The following SHANK1 variants were observed in gnomAD, a reference collection of about 807,000 sequenced individuals.
SHANK1 encodes SH3 and multiple ankyrin repeat domains protein 1.
Under a neutral mutation model 165.6 loss-of-function variants are expected in SHANK1, and 35 were observed. The observed-to-expected ratio is 0.21, with a 90% confidence interval of 0.16 to 0.28. The LOEUF is 0.28. Among genes scored for constraint, SHANK1 ranks in the 10% least tolerant of loss-of-function variants. The pLI, the probability that SHANK1 is intolerant of heterozygous loss-of-function variation, is 1.00. For missense variants in SHANK1, 2,681 were observed against 3,036.4 expected (o/e 0.88, Z 2.75); for synonymous variants, 1,428 against 1,384.8 (o/e 1.03, Z -0.69).
intron 23 of SHANK1, among the ~76,000 whole-genome samples, chr19:50,664,818 A>C (rs925505971): frequency 5.5e-4 from 84 of 152,152 alleles, no homozygotes; most frequent in African/African-American, 1.9e-3. Context: ...ACAGTGGTGC[A>C]ATCTTGGCTC....
intron 21 of SHANK1, among the ~76,000 whole-genome samples, chr19:50,672,522 C>A (rs1454349466): frequency 7.3e-6 from 1 of 136,452 alleles, no homozygotes; most frequent in Admixed American, 7.7e-5. Context: ...CACCACTGCA[C>A]TCCAGCCTGG....
chr19:50,711,524 C>A, intron 7 of SHANK1, 37 bp from the exon 8 acceptor site: 2 of 1,454,818 alleles, frequency 1.4e-6, no homozygotes, highest in Non-Finnish European at 1.9e-6. Flanking sequence ...TGGATCAGAC[C>A]CAGGCTGTTC....
In SHANK1 at chr19:50,689,216, G is replaced by T; in HGVS notation, c.2028C>A (p.Phe676Leu). 6.2e-7 allele frequency: 1 copy of T among 1,611,010 alleles called. No individual in the cohort carries two copies. The highest frequency in any genetic ancestry group is 8.5e-7 in the Non-Finnish European group (1 of 1,178,518). Residue 676 changes from phenylalanine to leucine, a missense_variant, in exon 16 of 24, where the codon TTC becomes TTA. This residue lies in a region of SHANK1 where 147 missense variants were observed against 256.5 expected (regional missense o/e 0.57). Coordinates refer to ENST00000293441, the MANE Select transcript of SHANK1 (RefSeq NM_016148.5). ...ACTCACCCTTGGCCCCCCGGAGCAC[G>T]AACCCAAACCCCTCACTGTCCTTCT... The part of the protein sequence containing the change: ...LQKKDSEGFG[F>L]VLRGAKAQTP...
At chr19:50,680,099 G>A (rs1044839546) in intron 21 of SHANK1, among the ~76,000 whole-genome samples, 3 of 151,964 alleles carry the variant, frequency 2.0e-5, no homozygotes, top group African/African-American at 7.3e-5. Context: ...CAGAGACAAA[G>A]AGACAAAGAC....
chr19:50,694,019 CCACACACACACACA>C (rs398034977), intron 15 of SHANK1, among the ~76,000 whole-genome samples: 2,575 of 138,680 alleles, frequency 0.019, 73 homozygotes, highest in African/African-American at 0.065. Flanking sequence ...CCAGCACACA[CCACACACACACACA>C]CACACACACA....
chr19:50,699,384 G>A (rs780478497), intron 12 of SHANK1, among the ~76,000 whole-genome samples: 6 of 152,232 alleles, frequency 3.9e-5, no homozygotes, highest in Non-Finnish European at 7.3e-5. Flanking sequence ...CTGTATGATT[G>A]GAAGTTGGGG....
intron 8 of SHANK1, among the ~76,000 whole-genome samples, chr19:50,704,794 G>A (rs1393270569): frequency 2.0e-5 from 3 of 152,178 alleles, no homozygotes; most frequent in Non-Finnish European, 4.4e-5. Flanking sequence ...ATAGCCAGGC[G>A]TGGTGGCTCA....
chr19:50,689,315 G>T, intron 15 of SHANK1, 36 bp from the exon 16 acceptor site: 3 of 1,450,884 alleles, frequency 2.1e-6, no homozygotes, highest in Non-Finnish European at 1.9e-6. Context: ...GGGGTGGTGG[G>T]GGGAGTGGAG....
chr19:50,702,692 G>C lies in SHANK1; in HGVS notation c.1554-32C>G. The C allele has an allele frequency of 6.8e-7, 1 of 1,475,938 alleles. No individual in the cohort carries two copies. 91.4% of individuals were successfully genotyped at this position (1,475,938 alleles called of 1,614,324 possible). A position where few individuals can be genotyped will look rare whatever the true frequency, so the allele number is the denominator to read the frequency against. ...ACACAGAGGGCATGAGAGGAGGGGA[G>C]GGTGGAGGGAGGGGACACCTCTGGG... On this transcript the variant is annotated intron_variant, in intron 11 of 23. Transcript: ENST00000293441. The surrounding 1 kb of genome is among the most constrained non-coding windows in gnomAD (Gnocchi z 5.3).
chr19:50,693,189 C>T (rs1397766106), intron 15 of SHANK1, among the ~76,000 whole-genome samples: 1 of 150,780 alleles, frequency 6.6e-6, no homozygotes, highest in Non-Finnish European at 1.5e-5. Context: ...TCTTGGTATT[C>T]TCCCCCTACT....
rs760140803 is a variant in SHANK1 at position 50,686,857 on chromosome 19, C to A, written c.2390-45G>T. On this transcript the variant is annotated intron_variant, in intron 19 of 23. Coordinates refer to ENST00000293441, the MANE Select transcript of SHANK1 (RefSeq NM_016148.5). The surrounding 1 kb of genome is among the most constrained non-coding windows in gnomAD (Gnocchi z 5.7). Reference sequence around the variant, plus strand: ...ATGACGCCCAGGGAGCCCCCGGGGGCGGGGCGGAGCGGGCTCGGCCTGTGG... The same window carrying A: ...ATGACGCCCAGGGAGCCCCCGGGGGAGGGGCGGAGCGGGCTCGGCCTGTGG... The A allele has an allele frequency of 6.2e-6, 10 of 1,604,062 alleles. No homozygotes were observed. In the East Asian group the frequency reaches 2.3e-4, roughly 36 times the overall value.
At chr19:50,711,237 A>G (rs1450170160) in intron 8 of SHANK1, 134 bp downstream of exon 8, 4 of 615,574 alleles carry the variant, frequency 6.5e-6, no homozygotes, top group Non-Finnish European at 1.2e-5. Flanking sequence ...TGGAGGAATG[A>G]CTGGATGAAA....
At chr19:50,710,412 G>C (rs1364236196) in intron 8 of SHANK1, among the ~76,000 whole-genome samples, 1 of 152,146 alleles carries the variant, frequency 6.6e-6, no homozygotes, top group Admixed American at 6.5e-5. Context: ...TCATGCTAGC[G>C]CCTGTCTCTC....
At position 50,686,256 on chromosome 19, in the gene SHANK1, T is replaced by G. The variant is rs753780844; in HGVS notation, c.2558A>C (p.Lys853Thr). Residue 853 changes from lysine (K) to threonine (T), a missense_variant, in exon 21 of 24, where the codon AAA becomes ACA. Lys to Thr is a moderately conservative substitution (Grantham distance 78). Coordinates refer to ENST00000293441, the MANE Select transcript of SHANK1 (RefSeq NM_016148.5). The surrounding 1 kb of genome is among the most constrained non-coding windows in gnomAD (Gnocchi z 5.7). Reference sequence around the variant, plus strand: ...GCCTACCTCAGTGGCAAAGAAACCTTTGGGTCGGTGTTTGCCCAGGGACGC... The same window carrying G: ...GCCTACCTCAGTGGCAAAGAAACCTGTGGGTCGGTGTTTGCCCAGGGACGC... Reference protein sequence around the residue: ...GLASLGKHRPKGFFATESSFD... With the variant: ...GLASLGKHRPTGFFATESSFD... 6.2e-7 allele frequency: 1 copy of G among 1,602,312 alleles called. No individual in the cohort carries two copies. Among genetic ancestry groups the G allele is most frequent in the Non-Finnish European group, 8.5e-7 (1 of 1,173,564 alleles).
rs1015404911 is a variant in SHANK1, at chr19:50,686,004, G to A, written c.2577+233C>T. 2.6e-5 allele frequency among the ~76,000 whole-genome samples: 4 copies of A among 152,108 alleles called. No homozygotes were observed. The highest frequency in any genetic ancestry group is 2.6e-4 in the Admixed American group (4 of 15,252). ...GGCAAGAGCTCAAGTATAATAGCAG[G>A]GGTGGAAAGTGGAGAGAGAAAAGGA... On this transcript the variant is annotated intron_variant, in intron 21 of 23. Transcript: ENST00000293441. The surrounding 1 kb of genome is among the most constrained non-coding windows in gnomAD (Gnocchi z 5.7).
intron 21 of SHANK1, among the ~76,000 whole-genome samples, chr19:50,673,983 A>G (rs1985894364): frequency 6.6e-6 from 1 of 151,840 alleles, no homozygotes. Context: ...TGCAGAGGCG[A>G]GTTCTTGCTA....
chr19:50,687,490 G>C lies in SHANK1; in HGVS notation c.2389+92C>G. On this transcript the variant is annotated intron_variant, in intron 19 of 23. Transcript: ENST00000293441. ...GACAGGATGAGGACAAGGACCCCTG[G>C]TCACTAACAACACTAACGAACTCAA... 7.2e-6 allele frequency: 7 copies of C among 977,086 alleles called. No homozygotes were observed. In the South Asian group the frequency reaches 1.2e-4, roughly 16 times the overall value. The allele number at this position is 977,086 out of a possible 1,614,324, so 60.5% of individuals were successfully genotyped here. A position where few individuals can be genotyped will look rare whatever the true frequency, so the allele number is the denominator to read the frequency against.
chr19:50,684,806 A>G (rs1986283871), intron 21 of SHANK1, among the ~76,000 whole-genome samples: 1 of 152,156 alleles, frequency 6.6e-6, no homozygotes, highest in African/African-American at 2.4e-5. Context: ...GCGCCTCGTG[A>G]TTTTGAAATT....
In SHANK1 at chr19:50,703,679, G is replaced by C; in HGVS notation, c.1374C>G (p.Ser458=). ...WMVFSAPGAA[S]SGAPGPTSGS... ...CTGAGGTAGGGCCAGGGGCCCCAGA[G>C]GACGCGGCCCCCGGGGCGGAGAACA... Residue 458 remains serine, a synonymous_variant, in exon 11 of 24, where the codon TCC becomes TCG. Coordinates refer to ENST00000293441, the MANE Select transcript of SHANK1 (RefSeq NM_016148.5). 1 of 1,476,404 alleles carries C rather than the reference G, an allele frequency of 6.8e-7. No individual in the cohort carries two copies. Among genetic ancestry groups the C allele is most frequent in the Non-Finnish European group, 9.0e-7 (1 of 1,115,502 alleles). The allele number at this position is 1,476,404 out of a possible 1,614,324, so 91.5% of individuals were successfully genotyped here. A position where few individuals can be genotyped will look rare whatever the true frequency, so the allele number is the denominator to read the frequency against.
Sources: allele counts gnomAD v4.1 joint callset (sites outside exome capture counted in the v4.1 genomes callset), GRCh38; gene constraint gnomAD v4.1.1; regional missense constraint gnomAD v4.1.1; non-coding constraint Gnocchi (gnomAD v3.1); transcripts MANE v1.5; gene names NCBI Gene and HGNC (gene_info 2026-07-23, HGNC 2026-07-21).